NPTN: variants seen among roughly 807,000 people sequenced by gnomAD.
NPTN encodes the protein neuroplastin, also known as SDR-1.
NPTN carries 5 observed loss-of-function variants against 42.7 expected under a neutral mutation model. That is an observed-to-expected ratio of 0.12 (90% CI 0.06 to 0.25). The LOEUF (loss-of-function observed/expected upper bound fraction) is 0.25. Among genes scored for constraint, NPTN ranks in the 10% least tolerant of loss-of-function variants. The pLI is 1.00. For synonymous variants in NPTN, 180 were observed against 201.9 expected, an observed-to-expected ratio of 0.89 and a Z score of 0.92; for missense variants, 307 against 525.4, an observed-to-expected ratio of 0.58 and a Z score of 4.06.
Position 73,611,711 on chromosome 15 carries a change from A to T in NPTN, c.92-14342T>A, listed in dbSNP as rs1002388001. ...ATTTCTCAAAACTCATAGTATGCAC[A>T]ACATCAAGAATGAACCCTAAACTCA... On this transcript the variant is annotated intron_variant, in intron 1 of 8. Coordinates refer to ENST00000345330, the MANE Select transcript of NPTN (RefSeq NM_012428.4). 2.0e-5 allele frequency among the ~76,000 whole-genome samples: 3 copies of T among 152,194 alleles called. No individual in the cohort carries two copies. In the South Asian group the frequency reaches 6.2e-4, roughly 32 times the overall value.
intron 4 of NPTN, among the ~76,000 whole-genome samples, chr15:73,580,452 A>G (rs1442947990): frequency 2.4e-5 from 3 of 123,696 alleles, no homozygotes; most frequent in East Asian, 2.2e-4. Context: ...ATATATATGT[A>G]TATATACAAA....
At chr15:73,592,424 T>G (rs1312975351) in intron 2 of NPTN, among the ~76,000 whole-genome samples, 2 of 152,182 alleles carry the variant, frequency 1.3e-5, no homozygotes, top group African/African-American at 4.8e-5. Flanking sequence ...CTTACGTTTT[T>G]GAATACCACC....
intron 4 of NPTN, among the ~76,000 whole-genome samples, chr15:73,578,670 A>C (rs1895823869): frequency 6.6e-6 from 1 of 152,196 alleles, no homozygotes; most frequent in South Asian, 2.1e-4. Flanking sequence ...GAACATGGTA[A>C]GTTTAAGATA....
intron 1 of NPTN, among the ~76,000 whole-genome samples, chr15:73,623,829 C>T (rs1184741043): frequency 1.3e-5 from 2 of 152,048 alleles, no homozygotes; most frequent in Non-Finnish European, 2.9e-5. Context: ...TTTTGAGTAC[C>T]CTCTCAACCA....
chr15:73,594,488 C>T (rs906384669), intron 2 of NPTN, among the ~76,000 whole-genome samples: 3 of 152,176 alleles, frequency 2.0e-5, no homozygotes, highest in African/African-American at 7.2e-5. Flanking sequence ...TATGATTCTG[C>T]ACCATAGGAG....
intron 1 of NPTN, among the ~76,000 whole-genome samples, chr15:73,628,472 T>A (rs1332862107): frequency 6.6e-6 from 1 of 152,238 alleles, no homozygotes; most frequent in African/African-American, 2.4e-5. Flanking sequence ...CTACTCTGCA[T>A]AATTTTATTC....
intron 4 of NPTN, among the ~76,000 whole-genome samples, chr15:73,575,331 G>A (rs557955007): frequency 6.6e-5 from 10 of 152,200 alleles, no homozygotes; most frequent in Admixed American, 2.0e-4. Flanking sequence ...TGGTCAGGCC[G>A]GTCTCGAACT....
At chr15:73,611,650 G>C (rs933969558) in intron 1 of NPTN, among the ~76,000 whole-genome samples, 3 of 152,158 alleles carry the variant, frequency 2.0e-5, no homozygotes, top group African/African-American at 2.4e-5. Context: ...GAAACTATCT[G>C]TATAATACTC....
chr15:73,633,291 G>A lies in NPTN; in HGVS notation c.-76C>T, dbSNP rs914846716. The A allele has an allele frequency of 1.1e-5, 11 of 1,013,118 alleles. No individual in the cohort carries two copies. The highest frequency in any genetic ancestry group is 1.9e-5 in the South Asian group (1 of 53,414). The allele number at this position is 1,013,118 out of a possible 1,614,324, so 62.8% of individuals were successfully genotyped here. ...CCGGGGAAGGGAGGGGAGGGAGGGA[G>A]GGGGCGGGCGAGTGCGCGAGGGAGT... On this transcript the variant is annotated 5_prime_UTR_variant, in exon 1 of 9. Transcript: ENST00000345330.
intron 4 of NPTN, among the ~76,000 whole-genome samples, chr15:73,584,869 C>T (rs760116452): frequency 2.6e-5 from 4 of 151,922 alleles, no homozygotes; most frequent in African/African-American, 7.3e-5. Context: ...CCTTTCTTGA[C>T]GGTGATCTAC....
chr15:73,591,479 G>A (rs931643333), intron 3 of NPTN, among the ~76,000 whole-genome samples: 1 of 152,104 alleles, frequency 6.6e-6, no homozygotes, highest in Non-Finnish European at 1.5e-5. Flanking sequence ...CAAGAGCCCT[G>A]CATCTGCTGG....
chr15:73,575,984 T>C (rs984983870), intron 4 of NPTN, among the ~76,000 whole-genome samples: 8 of 152,226 alleles, frequency 5.3e-5, no homozygotes, highest in African/African-American at 1.9e-4. Flanking sequence ...CCTGGCTCTA[T>C]CTCATTCCCA....
chr15:73,567,932 T>C, intron 6 of NPTN: 1 of 985,468 alleles, frequency 1.0e-6, no homozygotes, highest in South Asian at 4.7e-5. Context: ...AAGGAGGTTT[T>C]ACTTTGCACT....
intron 1 of NPTN, among the ~76,000 whole-genome samples, chr15:73,605,015 T>C (rs539519957): frequency 6.0e-5 from 9 of 150,976 alleles, no homozygotes; most frequent in Non-Finnish European, 1.0e-4. Flanking sequence ...AGAGGATCAA[T>C]TGAGCCTGAG....
intron 2 of NPTN, among the ~76,000 whole-genome samples, chr15:73,593,951 A>G (rs976778972): frequency 1.3e-5 from 2 of 152,150 alleles, no homozygotes; most frequent in African/African-American, 4.8e-5. Flanking sequence ...GGGCCTTAAG[A>G]AGTCGAGCAG....
intron 6 of NPTN, chr15:73,567,021 TTTA>T: frequency 1.5e-5 from 14 of 949,294 alleles, no homozygotes; most frequent in Non-Finnish European, 1.6e-5. Flanking sequence ...TTTTTTTTTT[TTTA>T]AAGGAAGCAG....
chr15:73,563,470 T>G (rs1894809382), intron 6 of NPTN: 1 of 1,379,844 alleles, frequency 7.2e-7, no homozygotes, highest in Non-Finnish European at 9.4e-7. Context: ...GTATGTTGTT[T>G]CAATGGTTTT....
intron 1 of NPTN, among the ~76,000 whole-genome samples, chr15:73,618,332 G>C (rs1897963030): frequency 6.6e-6 from 1 of 152,098 alleles, no homozygotes; most frequent in Non-Finnish European, 1.5e-5. Context: ...CAGCTATTAG[G>C]AAATGCAAAA....
chr15:73,569,928 G>C lies in NPTN; in HGVS notation c.1114+222C>G, dbSNP rs1895266306. On this transcript the variant is annotated intron_variant, in intron 6 of 8. Transcript: ENST00000345330. The surrounding 1 kb of genome is among the most constrained non-coding windows in gnomAD (Gnocchi z 4.1). ...ACCCAAACAGAGGGAGAGAGCTAAG[G>C]ACAGCTCTAGATGGCTAATGCAAAA... The C allele has an allele frequency of 6.6e-6, 3 of 455,030 alleles. No homozygotes were observed. The highest frequency in any genetic ancestry group is 6.4e-5 in the Admixed American group (1 of 15,576). 28.2% of individuals were successfully genotyped at this position (455,030 alleles called of 1,614,324 possible).
Sources: gnomAD v4.1 joint callset for allele counts (sites outside exome capture counted in the v4.1 genomes callset) on GRCh38, gnomAD v4.1.1 for gene constraint, Gnocchi (gnomAD v3.1) non-coding constraint, MANE v1.5 for transcripts, NCBI Gene and HGNC (gene_info 2026-07-23, HGNC 2026-07-21) for gene names.